RABGEF1: variants seen among roughly 807,000 people sequenced by gnomAD.
RABGEF1 encodes the protein RAB guanine nucleotide exchange factor 1.
A neutral mutation model predicts 57.3 loss-of-function variants in RABGEF1; 26 were observed. The ratio of observed to expected loss-of-function variants is 0.45; its 90% CI spans 0.33 to 0.63. RABGEF1 has a LOEUF of 0.63. Ranked by LOEUF, RABGEF1 falls within the 20% of genes least tolerant of loss-of-function variation. The pLI is 0.02. For synonymous variants in RABGEF1, 185 were observed against 210.7 expected (o/e 0.88, Z 1.06); for missense variants, 464 against 607.6 (o/e 0.76, Z 2.48).
intron 1 of RABGEF1, among the ~76,000 whole-genome samples, chr7:66,684,665 C>G (rs375080105): frequency 6.6e-6 from 1 of 152,242 alleles, no homozygotes; most frequent in Non-Finnish European, 1.5e-5. Context: ...TACTGAGTCT[C>G]ACTCTGTCAG....
chr7:66,738,315 G>C (rs555106435), upstream of RABGEF1, among the ~76,000 whole-genome samples: 11 of 151,432 alleles, frequency 7.3e-5, no homozygotes, highest in South Asian at 2.4e-3. Flanking sequence ...CACCATGCCC[G>C]GCCAGTCCTC....
chr7:66,807,155 C>T (rs531399308), intron 8 of RABGEF1, among the ~76,000 whole-genome samples: 129 of 152,346 alleles, frequency 8.5e-4, no homozygotes, highest in African/African-American at 3.0e-3. Flanking sequence ...GGCTTGCACA[C>T]ACTTAGCAGC....
intron 8 of RABGEF1, among the ~76,000 whole-genome samples, chr7:66,807,587 A>G (rs1056425588): frequency 6.6e-6 from 1 of 152,082 alleles, no homozygotes; most frequent in Admixed American, 6.6e-5. Flanking sequence ...TTGACCTTAC[A>G]CTTGTATTGC....
At chr7:66,738,187 T>G (rs1798272296), upstream of RABGEF1, among the ~76,000 whole-genome samples, 1 of 151,842 alleles carries the variant, frequency 6.6e-6, no homozygotes, top group Non-Finnish European at 1.5e-5. Context: ...CCTGGCTAAT[T>G]TTTGTATTTT....
At chr7:66,771,682 A>T (rs977108445) in intron 1 of RABGEF1, among the ~76,000 whole-genome samples, 1 of 151,976 alleles carries the variant, frequency 6.6e-6, no homozygotes, top group African/African-American at 2.4e-5. Flanking sequence ...GTCTTTCTTT[A>T]ATATGGCTGT....
intron 1 of RABGEF1, among the ~76,000 whole-genome samples, chr7:66,752,984 G>A (rs1410467035): frequency 6.6e-6 from 1 of 152,170 alleles, no homozygotes; most frequent in Admixed American, 6.5e-5. Flanking sequence ...CTCAGTTCCT[G>A]GCACTGTGCT....
the RABGEF1 span, among the ~76,000 whole-genome samples, chr7:66,660,513 C>A: frequency 6.6e-6 from 1 of 151,366 alleles, no homozygotes; most frequent in South Asian, 2.1e-4. Context: ...GACTGAATCA[C>A]AAACAAAGAA....
the RABGEF1 span, among the ~76,000 whole-genome samples, chr7:66,670,806 A>G: frequency 6.6e-6 from 1 of 152,042 alleles, no homozygotes; most frequent in Admixed American, 6.6e-5. Flanking sequence ...AGATGGCGCC[A>G]CTACACTCCA....
At chr7:66,750,423 T>C (rs1417599455) in intron 1 of RABGEF1, among the ~76,000 whole-genome samples, 1 of 152,208 alleles carries the variant, frequency 6.6e-6, no homozygotes, top group Non-Finnish European at 1.5e-5. Flanking sequence ...TGAGTAGATA[T>C]TACTTTCTCC....
upstream of RABGEF1, among the ~76,000 whole-genome samples, chr7:66,738,072 G>C (rs1405629852): frequency 3.3e-5 from 5 of 150,510 alleles, no homozygotes; most frequent in Non-Finnish European, 7.4e-5. Flanking sequence ...CCAGGCTGGA[G>C]TGTAGTGGCA....
At chr7:66,656,968 T>TA in the RABGEF1 span, among the ~76,000 whole-genome samples, 1 of 152,018 alleles carries the variant, frequency 6.6e-6, no homozygotes, top group South Asian at 2.1e-4. Context: ...TATAATAATT[T>TA]AAAACATATG....
At chr7:66,720,194 A>ATTATTT (rs1263772824) in intron 2 of RABGEF1, among the ~76,000 whole-genome samples, 21 of 134,334 alleles carry the variant, frequency 1.6e-4, no homozygotes, top group African/African-American at 4.2e-4. Context: ...TATTATTATT[A>ATTATTT]TTTTTTTTTT....
At chr7:66,727,550 G>C (rs1008857444) in intron 2 of RABGEF1, among the ~76,000 whole-genome samples, 2 of 152,250 alleles carry the variant, frequency 1.3e-5, no homozygotes, top group African/African-American at 4.8e-5. Context: ...GGTGGACCCA[G>C]CTTGGGTGGA....
intron 3 of RABGEF1, 54 bp downstream of exon 3, chr7:66,775,447 G>A (rs1415849463): frequency 7.0e-6 from 11 of 1,582,222 alleles, no homozygotes; most frequent in Non-Finnish European, 9.5e-6. Context: ...ACACAGAGGA[G>A]ATCCCCAATG....
chr7:66,728,813 C>G, intron 2 of RABGEF1, among the ~76,000 whole-genome samples: 1 of 152,122 alleles, frequency 6.6e-6, no homozygotes, highest in Non-Finnish European at 1.5e-5. Context: ...TCCACCTTCA[C>G]CTCCATCCTC....
intron 2 of RABGEF1, among the ~76,000 whole-genome samples, chr7:66,716,242 C>T (rs1185259319): frequency 6.6e-6 from 1 of 152,046 alleles, no homozygotes; most frequent in Non-Finnish European, 1.5e-5. Context: ...TTCAGTTTTC[C>T]TTTGACCAGC....
chr7:66,778,944 C>T (rs1374650856), intron 3 of RABGEF1, among the ~76,000 whole-genome samples: 12 of 151,338 alleles, frequency 7.9e-5, no homozygotes, highest in East Asian at 3.9e-4. Context: ...GGCACAACCC[C>T]GTCTCTACTA....
chr7:66,694,513 C>A (rs534745430), intron 1 of RABGEF1, among the ~76,000 whole-genome samples: 90 of 152,334 alleles, frequency 5.9e-4, no homozygotes, highest in African/African-American at 2.1e-3. Flanking sequence ...GGGAAGCCAG[C>A]AAAGGGCATT....
chr7:66,799,935 A>G (rs1325184518), intron 7 of RABGEF1, among the ~76,000 whole-genome samples: 3 of 152,146 alleles, frequency 2.0e-5, no homozygotes, highest in Non-Finnish European at 4.4e-5. Flanking sequence ...AATTGATGTG[A>G]CACTGCCGTT....
Sources: allele counts gnomAD v4.1 joint callset (sites outside exome capture counted in the v4.1 genomes callset), GRCh38; gene constraint gnomAD v4.1.1; transcripts MANE v1.5; gene names NCBI Gene and HGNC (gene_info 2026-07-23, HGNC 2026-07-21).